The following GALNT13 variants were observed in gnomAD, a reference collection of about 807,000 sequenced individuals.
GALNT13 encodes polypeptide N-acetylgalactosaminyltransferase 13, also known as UDP-GalNAc:polypeptide N-acetylgalactosaminyltransferase 13.
Under a neutral mutation model 64.2 loss-of-function variants are expected in GALNT13, and 28 were observed. The ratio of observed to expected loss-of-function variants is 0.44; its 90% confidence interval spans 0.32 to 0.60. GALNT13 has a LOEUF of 0.60. Ranked by LOEUF, GALNT13 falls within the 20% of genes least tolerant of loss-of-function variation. The pLI is 0.05. For synonymous variants in GALNT13, 214 were observed against 224.6 expected, an observed-to-expected ratio of 0.95 and a Z score of 0.42; for missense variants, 577 against 669.8, an observed-to-expected ratio of 0.86 and a Z score of 1.53.
At chr2:153,426,979 A>G in the GALNT13 span, among the ~76,000 whole-genome samples, 53 of 152,140 alleles carry the variant, frequency 3.5e-4, no homozygotes, top group African/African-American at 1.2e-3. Flanking sequence ...ATAACCAAAC[A>G]TTAGAGTATT....
the GALNT13 span, among the ~76,000 whole-genome samples, chr2:153,346,620 A>T: frequency 6.6e-6 from 1 of 152,186 alleles, no homozygotes; most frequent in Admixed American, 6.5e-5. Flanking sequence ...AGAAATTATG[A>T]TCCAAAGTGT....
the GALNT13 span, among the ~76,000 whole-genome samples, chr2:153,262,202 C>T: frequency 8.1e-4 from 123 of 152,284 alleles, no homozygotes; most frequent in Admixed American, 3.1e-3. Context: ...CTCTCAGTCT[C>T]ACTCAGGGCC....
chr2:153,617,356 T>C, the GALNT13 span, among the ~76,000 whole-genome samples: 1 of 152,012 alleles, frequency 6.6e-6, no homozygotes, highest in African/African-American at 2.4e-5. Flanking sequence ...TGATATGATG[T>C]ATTACCTTTA....
the GALNT13 span, among the ~76,000 whole-genome samples, chr2:153,244,032 C>A: frequency 7.0e-6 from 1 of 143,218 alleles, no homozygotes; most frequent in African/African-American, 3.0e-5. Flanking sequence ...TTTGGTTTTC[C>A]CTCTTGAAAA....
intron 9 of GALNT13, among the ~76,000 whole-genome samples, chr2:154,374,932 GTCAT>G (rs1697896557): frequency 1.3e-5 from 2 of 152,242 alleles, no homozygotes; most frequent in Non-Finnish European, 2.9e-5. Flanking sequence ...TTAGAATACA[GTCAT>G]TCATTTCCTG....
chr2:153,686,681 A>G, the GALNT13 span, among the ~76,000 whole-genome samples: 1 of 152,078 alleles, frequency 6.6e-6, no homozygotes. Context: ...TACTATGTTG[A>G]ATAGGAGTGG....
At chr2:153,774,463 G>A in the GALNT13 span, among the ~76,000 whole-genome samples, 1 of 152,148 alleles carries the variant, frequency 6.6e-6, no homozygotes, top group Non-Finnish European at 1.5e-5. Context: ...AAGACAGAAT[G>A]CAGACTTCAA....
At chr2:154,442,578 GA>G (rs557955593) in intron 12 of GALNT13, among the ~76,000 whole-genome samples, 339 of 151,976 alleles carry the variant, frequency 2.2e-3, no homozygotes, top group South Asian at 6.6e-3. Flanking sequence ...TAAATGAAGA[GA>G]AAAAAATTCA....
At chr2:153,300,029 G>A in the GALNT13 span, among the ~76,000 whole-genome samples, 85 of 152,282 alleles carry the variant, frequency 5.6e-4, no homozygotes, top group Middle Eastern at 0.01. Context: ...GGATTCCACA[G>A]CTGTTCTAGA....
the GALNT13 span, among the ~76,000 whole-genome samples, chr2:153,127,723 G>A: frequency 6.6e-6 from 1 of 152,112 alleles, no homozygotes; most frequent in Admixed American, 6.6e-5. Flanking sequence ...TGAGCTTGCT[G>A]TGCTTAACTT....
intron 9 of GALNT13, among the ~76,000 whole-genome samples, chr2:154,373,824 T>G (rs879222923): frequency 6.6e-6 from 1 of 152,216 alleles, no homozygotes; most frequent in Non-Finnish European, 1.5e-5. Flanking sequence ...TTTTAAGGAC[T>G]AAAGATTCTT....
At chr2:153,740,122 C>T in the GALNT13 span, among the ~76,000 whole-genome samples, 1 of 151,892 alleles carries the variant, frequency 6.6e-6, no homozygotes, top group Admixed American at 6.6e-5. Context: ...GTTCTTCAAG[C>T]TTTCTGAATC....
chr2:153,484,841 G>A, the GALNT13 span, among the ~76,000 whole-genome samples: 1 of 152,146 alleles, frequency 6.6e-6, no homozygotes, highest in East Asian at 1.9e-4. Context: ...TGGGGATGGG[G>A]GATAACTGGT....
the GALNT13 span, among the ~76,000 whole-genome samples, chr2:153,586,716 A>G: frequency 6.6e-5 from 10 of 152,208 alleles, no homozygotes; most frequent in Non-Finnish European, 1.3e-4. Flanking sequence ...TCTACCCAAC[A>G]ACTACAGAAT....
the GALNT13 span, among the ~76,000 whole-genome samples, chr2:153,492,079 A>G: frequency 1.3e-5 from 2 of 152,260 alleles, no homozygotes; most frequent in African/African-American, 4.8e-5. Flanking sequence ...AGGAGGAAAC[A>G]TTAGCAAAAT....
chr2:153,405,039 G>T, the GALNT13 span, among the ~76,000 whole-genome samples: 2 of 152,184 alleles, frequency 1.3e-5, no homozygotes, highest in Admixed American at 1.3e-4. Context: ...GCCAGAGCTT[G>T]TGGTGTCCTT....
chr2:153,334,640 T>C, the GALNT13 span, among the ~76,000 whole-genome samples: 1 of 152,238 alleles, frequency 6.6e-6, no homozygotes, highest in Admixed American at 6.5e-5. Flanking sequence ...TTTCAGAATT[T>C]AGTTGCCTTT....
At chr2:153,719,702 A>G in the GALNT13 span, among the ~76,000 whole-genome samples, 239 of 152,114 alleles carry the variant, frequency 1.6e-3, no homozygotes, top group Middle Eastern at 3.4e-3. Context: ...GGGGTGACGG[A>G]CGCACCTGGA....
upstream of GALNT13, among the ~76,000 whole-genome samples, chr2:153,871,631 G>T (rs1238902977): frequency 1.3e-5 from 2 of 152,176 alleles, no homozygotes; most frequent in African/African-American, 4.8e-5. Context: ...GAGAGGAGCT[G>T]ACCCCAGGGT....
Sources: gnomAD v4.1 joint callset for allele counts (sites outside exome capture counted in the v4.1 genomes callset) on GRCh38, gnomAD v4.1.1 for gene constraint, MANE v1.5 for transcripts, NCBI Gene and HGNC (gene_info 2026-07-23, HGNC 2026-07-21) for gene names.